BCOR: variants seen among roughly 807,000 people sequenced by gnomAD.
BCOR encodes BCL-6 corepressor.
Under a neutral mutation model 86.7 loss-of-function variants are expected in BCOR, and 10 were observed. The observed-to-expected ratio is 0.12, with a 90% CI of 0.07 to 0.20. The LOEUF (loss-of-function observed/expected upper bound fraction) is 0.20. Among genes scored for constraint, BCOR ranks in the 10% least tolerant of loss-of-function variants. The pLI, the probability that BCOR is intolerant of heterozygous loss-of-function variation, is 1.00. For missense variants in BCOR, 1,259 were observed against 1,452.1 expected (o/e 0.87, Z 2.16); for synonymous variants, 611 against 609.0 (o/e 1.00, Z -0.05).
rs183009126 is a variant in BCOR, at chrX:40,128,190, A to T, written c.-41+48817T>A. On this transcript the variant is annotated intron_variant, in intron 1 of 14. Coordinates refer to the BCOR transcript ENST00000342274. Reference sequence around the variant, plus strand: ...TAGTGAGCTGAGATCACACCACCGAACTCCAGCCTGGGCAACAGAGTGAGA... The same window carrying T: ...TAGTGAGCTGAGATCACACCACCGATCTCCAGCCTGGGCAACAGAGTGAGA... Among the ~76,000 whole-genome samples, 37 of 111,311 alleles carry T rather than the reference A, an allele frequency of 3.3e-4. No individual in the cohort carries two copies. The East Asian group carries it at 0.01, about 30-fold the overall frequency.
At chrX:40,054,451 G>A in intron 12 of BCOR, 118 bp from the exon 13 acceptor site, 1 of 546,952 alleles carries the variant, frequency 1.8e-6, no homozygotes, top group South Asian at 2.5e-5. Context: ...GTCATTTCCT[G>A]TCTTCCTCTT....
rs777753178 is a variant in BCOR, at chrX:40,175,945, G to A, written c.-41+1062C>T. ...AGACCACGCTACCCTACTTTTCCAG[G>A]TTTCGGACCTGAACCTCGTGGACTA... On this transcript the variant is annotated intron_variant, in intron 1 of 14. Transcript: ENST00000342274. Among the ~76,000 whole-genome samples, 7 of 112,872 alleles carry A rather than the reference G, an allele frequency of 6.2e-5. No homozygotes were observed. The South Asian group carries it at 2.5e-3, about 41-fold the overall frequency.
intron 1 of BCOR, among the ~76,000 whole-genome samples, chrX:40,107,122 G>A (rs778392515): frequency 8.9e-6 from 1 of 112,527 alleles, no homozygotes; most frequent in Non-Finnish European, 1.9e-5. Context: ...TTTCTTTCGT[G>A]CGTGTGGTTT....
chrX:40,152,335 G>A (rs991877384), intron 1 of BCOR, among the ~76,000 whole-genome samples: 2 of 111,121 alleles, frequency 1.8e-5, no homozygotes, highest in African/African-American at 6.6e-5. Context: ...CCATTGTTAC[G>A]GGGAGGGGTA....
At chrX:40,116,264 G>A (rs891563811) in intron 1 of BCOR, among the ~76,000 whole-genome samples, 3 of 111,749 alleles carry the variant, frequency 2.7e-5, no homozygotes, top group African/African-American at 6.5e-5. Context: ...TTGGGAGGCC[G>A]AGGCGGGTGG....
chrX:40,121,019 T>G (rs1937477126), intron 1 of BCOR, among the ~76,000 whole-genome samples: 1 of 110,923 alleles, frequency 9.0e-6, no homozygotes, highest in Non-Finnish European at 1.9e-5. Context: ...AAAGGCCCTG[T>G]GGTAGGAGAC....
chrX:40,124,368 G>T (rs757900572), intron 1 of BCOR, among the ~76,000 whole-genome samples: 1 of 109,393 alleles, frequency 9.1e-6, no homozygotes, highest in African/African-American at 3.3e-5. Context: ...CACCTCCTGG[G>T]CTCAAGCAAT....
rs3810693 is a variant in BCOR, at chrX:40,072,655, C to T, written c.2691G>A (p.Ser897=). ...CCAGAGGTGGCTCCAGGAATGGAGT[C>T]GAGACTGGCAACCCTAGGTTCTCTT... ...TNKENLGLPV[S]TPFLEPPLGS... The change falls in exon 4 of 15, where the codon TCG becomes TCA. Residue 897 remains serine (S), a synonymous_variant. Transcript: ENST00000378444. 101 of 1,210,390 alleles carry T rather than the reference C, an allele frequency of 8.3e-5. No individual in the cohort carries two copies. The highest frequency in any genetic ancestry group is 1.0e-4 in the Non-Finnish European group (90 of 895,342).
At chrX:40,085,387 G>A (rs1936311436) in intron 1 of BCOR, among the ~76,000 whole-genome samples, 1 of 111,395 alleles carries the variant, frequency 9.0e-6, no homozygotes, top group African/African-American at 3.3e-5. Context: ...TTATCTTTCC[G>A]CCTTTCCTCC....
chrX:40,167,513 CT>C (rs918807761), intron 1 of BCOR, among the ~76,000 whole-genome samples: 3 of 112,668 alleles, frequency 2.7e-5, no homozygotes, highest in African/African-American at 9.7e-5. Context: ...TATTCCCGCC[CT>C]GATTTAATCC....
chrX:40,168,016 C>T (rs764079985), intron 1 of BCOR, among the ~76,000 whole-genome samples: 3 of 112,564 alleles, frequency 2.7e-5, no homozygotes, highest in Non-Finnish European at 3.8e-5. Context: ...TCCCTTTCCC[C>T]TCCCCCACCA....
chrX:40,062,425 A>G (rs1158340498), intron 9 of BCOR, 32 bp from the exon 10 acceptor site: 70 of 1,188,391 alleles, frequency 5.9e-5, no homozygotes, highest in Non-Finnish European at 7.1e-5. Flanking sequence ...CACACGGTTA[A>G]GCCCGTGTCC....
At chrX:40,085,596 TG>T (rs1405093892) in intron 1 of BCOR, among the ~76,000 whole-genome samples, 2 of 109,056 alleles carry the variant, frequency 1.8e-5, no homozygotes, top group South Asian at 4.0e-4. Flanking sequence ...GTGCTGAGGG[TG>T]GGGGGGACAG....
intron 1 of BCOR, among the ~76,000 whole-genome samples, chrX:40,162,277 G>A: frequency 8.9e-6 from 1 of 111,868 alleles, no homozygotes; most frequent in Non-Finnish European, 1.9e-5. Flanking sequence ...TTTGGCTGGG[G>A]ACCTTTGTGC....
intron 1 of BCOR, among the ~76,000 whole-genome samples, chrX:40,119,247 T>G (rs112385216): frequency 0.039 from 4,187 of 108,226 alleles, 94 homozygotes; most frequent in Non-Finnish European, 0.06. Context: ...GGGTGTTGTT[T>G]TTTTTTTTTT....
chrX:40,161,599 C>T (rs1180022772), intron 1 of BCOR, among the ~76,000 whole-genome samples: 1 of 104,260 alleles, frequency 9.6e-6, no homozygotes, highest in Non-Finnish European at 2.0e-5. Flanking sequence ...CTGCAAGCTC[C>T]GCCTCCTGGG....
At chrX:40,076,897 G>A (rs1248969608) in intron 2 of BCOR, 1 of 329,271 alleles carries the variant, frequency 3.0e-6, no homozygotes, top group African/African-American at 2.6e-5. Context: ...AAACTCTCCT[G>A]GAGGGTAGAC....
chrX:40,143,417 T>G (rs1414323772), intron 1 of BCOR, among the ~76,000 whole-genome samples: 1 of 112,775 alleles, frequency 8.9e-6, no homozygotes, highest in African/African-American at 3.2e-5. Context: ...AGCAATTGAT[T>G]GTTAAACTAA....
In BCOR at chrX:40,064,572, C is replaced by T. The variant is rs772117755; in HGVS notation, c.3266G>A (p.Arg1089His). The T allele has an allele frequency of 2.1e-5, 25 of 1,210,451 alleles. No homozygotes were observed. In the Middle Eastern group the frequency reaches 1.4e-3, roughly 67 times the overall value. The change falls in exon 7 of 15, where the codon CGT (arginine) becomes CAT (histidine). Residue 1089 changes from arginine (R) to histidine (H), a missense_variant. By Grantham distance (29) the Arg-to-His change is conservative. Transcript: ENST00000378444. The part of the protein sequence containing the change: ...RCEYSVGNKH[R>H]DPFEAPEDKD... ...GTCCTCTGGGGCTTCAAAGGGATCACGGTGCTTGTTTCCAACACTATACTC... is the reference window on the plus strand; with the variant it reads ...GTCCTCTGGGGCTTCAAAGGGATCATGGTGCTTGTTTCCAACACTATACTC...
Sources: gnomAD v4.1 joint callset for allele counts (sites outside exome capture counted in the v4.1 genomes callset) on GRCh38, gnomAD v4.1.1 for gene constraint, MANE v1.5 for transcripts, NCBI Gene and HGNC (gene_info 2026-07-23, HGNC 2026-07-21) for gene names.